The following SGCD variants were observed in gnomAD, a reference collection of about 807,000 sequenced individuals.
The protein encoded by SGCD is sarcoglycan delta.
Under a neutral mutation model 36.6 loss-of-function variants are expected in SGCD, and 18 were observed. The observed-to-expected ratio is 0.49, with a 90% confidence interval of 0.34 to 0.73. The LOEUF (loss-of-function observed/expected upper bound fraction) is 0.73. Among genes scored for constraint, SGCD ranks in the 30% least tolerant of loss-of-function variants. The pLI, the probability that SGCD is intolerant of heterozygous loss-of-function variation, is 0.01. For synonymous variants in SGCD, 133 were observed against 130.6 expected, an observed-to-expected ratio of 1.02 and a Z score of -0.12; for missense variants, 387 against 346.7, an observed-to-expected ratio of 1.12 and a Z score of -0.92.
chr5:156,330,530 A>T (rs951790665), intron 2 of SGCD, among the ~76,000 whole-genome samples: 1 of 152,164 alleles, frequency 6.6e-6, no homozygotes, highest in Admixed American at 6.5e-5. Flanking sequence ...AATAACTCTT[A>T]GTCTGTCTCC....
intron 3 of SGCD, among the ~76,000 whole-genome samples, chr5:156,401,267 A>G (rs1416395372): frequency 1.3e-5 from 2 of 152,214 alleles, no homozygotes; most frequent in African/African-American, 4.8e-5. Flanking sequence ...AAGTTCCCCA[A>G]TTGAGGCTGA....
chr5:156,284,829 G>T (rs990005857), intron 3 of SGCD, among the ~76,000 whole-genome samples: 1 of 152,016 alleles, frequency 6.6e-6, no homozygotes, highest in Non-Finnish European at 1.5e-5. Flanking sequence ...CCAGGGCAAT[G>T]AGGCAGGAGA....
chr5:156,452,066 A>G (rs1754045531), intron 3 of SGCD, among the ~76,000 whole-genome samples: 1 of 152,126 alleles, frequency 6.6e-6, no homozygotes, highest in African/African-American at 2.4e-5. Flanking sequence ...CAGGCAATCC[A>G]TTCCAGGCAG....
At chr5:155,890,807 C>T (rs1756111400) in intron 1 of SGCD, among the ~76,000 whole-genome samples, 1 of 152,096 alleles carries the variant, frequency 6.6e-6, no homozygotes, top group Admixed American at 6.5e-5. Flanking sequence ...TGAACCCCCA[C>T]CTACGTTTTC....
the SGCD span, among the ~76,000 whole-genome samples, chr5:155,774,291 C>T: frequency 6.6e-6 from 1 of 152,022 alleles, no homozygotes; most frequent in Admixed American, 6.6e-5. Context: ...ATCAGTAAAC[C>T]CTGAATTGGA....
At chr5:156,071,289 C>T (rs1760553367) in intron 1 of SGCD, among the ~76,000 whole-genome samples, 1 of 152,198 alleles carries the variant, frequency 6.6e-6, no homozygotes, top group Non-Finnish European at 1.5e-5. Context: ...TTTCCCTCTA[C>T]ACACTGCTTT....
intron 7 of SGCD, among the ~76,000 whole-genome samples, chr5:156,717,480 G>T (rs1755279839): frequency 6.6e-6 from 1 of 152,198 alleles, no homozygotes; most frequent in African/African-American, 2.4e-5. Flanking sequence ...ATCTGCATTT[G>T]AGTTAACAAT....
chr5:155,900,184 C>A (rs1341783426), intron 1 of SGCD, among the ~76,000 whole-genome samples: 1 of 152,020 alleles, frequency 6.6e-6, no homozygotes, highest in East Asian at 1.9e-4. Context: ...TGTTTAGATT[C>A]TAAAATAGTC....
At chr5:155,752,363 C>A in the SGCD span, among the ~76,000 whole-genome samples, 1 of 152,152 alleles carries the variant, frequency 6.6e-6, no homozygotes, top group Non-Finnish European at 1.5e-5. Context: ...AGTCATGTTC[C>A]CCTAAGATCT....
chr5:155,809,159 G>T, the SGCD span, among the ~76,000 whole-genome samples: 1 of 152,312 alleles, frequency 6.6e-6, no homozygotes, highest in South Asian at 2.1e-4. Context: ...ACCTGGAGAA[G>T]ACCAGGCACA....
chr5:156,433,975 C>T (rs970390222), intron 3 of SGCD, among the ~76,000 whole-genome samples: 1 of 152,218 alleles, frequency 6.6e-6, no homozygotes, highest in African/African-American at 2.4e-5. Context: ...AGAATCAAGT[C>T]TCATTGCTCA....
intron 1 of SGCD, among the ~76,000 whole-genome samples, chr5:156,071,149 T>C (rs1760547700): frequency 6.6e-6 from 1 of 152,208 alleles, no homozygotes; most frequent in South Asian, 2.1e-4. Context: ...GCTCTGATTT[T>C]AGTTATTTCT....
chr5:156,637,748 G>A (rs1033152843), intron 6 of SGCD, among the ~76,000 whole-genome samples: 1 of 152,154 alleles, frequency 6.6e-6, no homozygotes, highest in African/African-American at 2.4e-5. Context: ...TACTGGGGAT[G>A]AAGTCAGTGG....
chr5:156,574,064 C>T (rs1328629465), intron 4 of SGCD, among the ~76,000 whole-genome samples: 1 of 152,128 alleles, frequency 6.6e-6, no homozygotes, highest in African/African-American at 2.4e-5. Flanking sequence ...CACTATGCTG[C>T]CTGTTTTGCA....
Position 156,554,177 on chromosome 5 carries a change from G to A in SGCD, c.295-35054G>A, listed in dbSNP as rs542990174. Among the ~76,000 whole-genome samples, 48 of 152,116 alleles carry A rather than the reference G, an allele frequency of 3.2e-4. No homozygotes were observed. The South Asian group carries it at 9.1e-3, about 29-fold the overall frequency. On this transcript the variant is annotated intron_variant, in intron 4 of 8. Transcript: ENST00000337851. ...TTGAGACCAGCCTGGCCAACATGAT[G>A]AAACCCCATCTCTACTAAAAACACA...
chr5:155,862,499 T>A, the SGCD span, among the ~76,000 whole-genome samples: 3 of 152,108 alleles, frequency 2.0e-5, no homozygotes, highest in Non-Finnish European at 4.4e-5. Flanking sequence ...GCTAGTTTTT[T>A]ATTTTATTTT....
Position 156,380,465 on chromosome 5 carries a change from C to T in SGCD, c.192+35788C>T, listed in dbSNP as rs532296769. Among the ~76,000 whole-genome samples the T allele has an allele frequency of 2.6e-4, 40 of 152,332 alleles. 1 individual carries two copies. In the South Asian group the frequency reaches 7.0e-3, roughly 27 times the overall value. ...TGGAGGAGCAAGCACAGTTTTCAAG[C>T]ACGTATTCATTCTCTCATTCACTCA... On this transcript the variant is annotated intron_variant, in intron 3 of 8. Coordinates refer to ENST00000337851, the MANE Select transcript of SGCD (RefSeq NM_000337.6).
At chr5:156,622,382 G>A (rs915592234) in intron 6 of SGCD, among the ~76,000 whole-genome samples, 9 of 150,938 alleles carry the variant, frequency 6.0e-5, no homozygotes, top group African/African-American at 9.7e-5. Flanking sequence ...GCAGTGAGCC[G>A]AGATGGCACC....
chr5:156,014,446 AT>A (rs1439600092), intron 1 of SGCD, among the ~76,000 whole-genome samples: 4 of 152,014 alleles, frequency 2.6e-5, no homozygotes, highest in Non-Finnish European at 4.4e-5. Flanking sequence ...ATTATTATTT[AT>A]TTTTTATGGG....
Sources: allele counts gnomAD v4.1 joint callset (sites outside exome capture counted in the v4.1 genomes callset), GRCh38; gene constraint gnomAD v4.1.1; transcripts MANE v1.5; gene names NCBI Gene and HGNC (gene_info 2026-07-23, HGNC 2026-07-21).